TNRC6B: variants seen among roughly 807,000 people sequenced by gnomAD.
The protein encoded by TNRC6B is trinucleotide repeat-containing gene 6B protein.
Under a neutral mutation model 203.6 loss-of-function variants are expected in TNRC6B, and 52 were observed. The observed-to-expected ratio is 0.26, with a 90% CI of 0.20 to 0.32. TNRC6B has a LOEUF of 0.32. TNRC6B is among the 10% of genes least tolerant of loss of function. TNRC6B has a pLI of 1.00. For synonymous variants in TNRC6B, 838 were observed against 845.7 expected (o/e 0.99, Z 0.16); for missense variants, 1,923 against 2,286.2 (o/e 0.84, Z 3.24).
rs527433603 is a variant in TNRC6B at position 40,270,253 on chromosome 22, G to A, written c.2938G>A (p.Ala980Thr). The change falls in exon 6 of 23, where the codon GCC becomes ACC. Residue 980 changes from alanine to threonine, a missense_variant. Around this residue, in one of 8 missense-constraint regions of TNRC6B, gnomAD observed 599 missense variants for 656.5 expected, o/e 0.91. Transcript: ENST00000454349. The stretch of plus-strand genomic sequence containing the variant: ...GACCACAGGCTGGGGGAACACGCCC[G>A]CCAACGCTCCCAATGCCATGAAGCC... ...ASTTGWGNTP[A>T]NAPNAMKPNS... 62 of 1,476,828 alleles carry A rather than the reference G, an allele frequency of 4.2e-5. No homozygotes were observed. Among genetic ancestry groups the A allele is most frequent in the Admixed American group, 4.1e-4 (17 of 41,396 alleles). 91.5% of individuals were successfully genotyped at this position (1,476,828 alleles called of 1,614,324 possible). A position where few individuals can be genotyped will look rare whatever the true frequency, so the allele number is the denominator to read the frequency against.
chr22:40,287,239 A>G (rs1487394887), intron 12 of TNRC6B, among the ~76,000 whole-genome samples: 3 of 151,700 alleles, frequency 2.0e-5, no homozygotes, highest in Non-Finnish European at 4.4e-5. Flanking sequence ...AAGCTCCTTG[A>G]CTCCAGCAGT....
At chr22:40,237,414 C>T (rs1027773507) in intron 1 of TNRC6B, among the ~76,000 whole-genome samples, 1 of 152,182 alleles carries the variant, frequency 6.6e-6, no homozygotes, top group Non-Finnish European at 1.5e-5. Context: ...ATCTTGTTTG[C>T]TGCTGAATTC....
rs1401034879 is a variant in TNRC6B, at chr22:40,325,342, C to T, written c.*2101C>T. On this transcript the variant is annotated 3_prime_UTR_variant, in exon 23 of 23. Coordinates refer to ENST00000454349, the MANE Select transcript of TNRC6B (RefSeq NM_001162501.2). The stretch of plus-strand genomic sequence containing the variant: ...GGAAAAGCCTAAAACAAGTTATTTG[C>T]ATTTCAGTGGTTTTGTGAGACAAAG... 3 of 152,634 alleles carry T rather than the reference C, an allele frequency of 2.0e-5. No individual in the cohort carries two copies. Among genetic ancestry groups the T allele is most frequent in the Non-Finnish European group, 4.4e-5 (3 of 68,042 alleles). The allele number at this position is 152,634 out of a possible 1,614,324, so 9.5% of individuals were successfully genotyped here.
chr22:40,274,444 G>A (rs1054543579), intron 7 of TNRC6B, among the ~76,000 whole-genome samples: 2 of 146,244 alleles, frequency 1.4e-5, no homozygotes, highest in Non-Finnish European at 3.0e-5. Context: ...TTTTTGAGAC[G>A]GAGTCTTGCT....
intron 1 of TNRC6B, among the ~76,000 whole-genome samples, chr22:40,058,087 A>G (rs2146268636): frequency 6.6e-6 from 1 of 152,384 alleles, no homozygotes; most frequent in South Asian, 2.1e-4. Flanking sequence ...TGCCTTAAAC[A>G]AAAGGCCACA....
At chr22:40,116,374 C>T (rs1329524415) in intron 1 of TNRC6B, among the ~76,000 whole-genome samples, 1 of 152,058 alleles carries the variant, frequency 6.6e-6, no homozygotes, top group Non-Finnish European at 1.5e-5. Context: ...AGTTGCTGGC[C>T]ATTTAATATA....
At chr22:40,098,457 T>G (rs2068204403) in intron 1 of TNRC6B, among the ~76,000 whole-genome samples, 1 of 150,986 alleles carries the variant, frequency 6.6e-6, no homozygotes, top group African/African-American at 2.5e-5. Flanking sequence ...TTGGCAGATG[T>G]TGTCATATTG....
chr22:40,260,557 A>G (rs557468096), intron 3 of TNRC6B, among the ~76,000 whole-genome samples: 1 of 152,178 alleles, frequency 6.6e-6, no homozygotes, highest in South Asian at 2.1e-4. Context: ...GAGATGGATG[A>G]TGTGTTCCAG....
intron 1 of TNRC6B, among the ~76,000 whole-genome samples, chr22:40,193,921 G>A (rs2069304145): frequency 6.6e-6 from 1 of 152,200 alleles, no homozygotes. Context: ...ACTGAGAGAG[G>A]AGATGCGTTA....
At chr22:40,247,389 C>T (rs1324364241) in intron 2 of TNRC6B, among the ~76,000 whole-genome samples, 1 of 152,052 alleles carries the variant, frequency 6.6e-6, no homozygotes, top group Non-Finnish European at 1.5e-5. Context: ...TAACACTGCA[C>T]GTTTTTCCAG....
intron 1 of TNRC6B, among the ~76,000 whole-genome samples, chr22:40,045,973 GGTCATTT>G (rs1299646378): frequency 2.0e-5 from 3 of 152,090 alleles, no homozygotes; most frequent in African/African-American, 7.2e-5. Context: ...ATTTCAAGTT[GGTCATTT>G]GTATTATAAT....
intron 1 of TNRC6B, among the ~76,000 whole-genome samples, chr22:40,101,136 G>A (rs1412475736): frequency 2.0e-5 from 3 of 152,070 alleles, no homozygotes; most frequent in African/African-American, 2.4e-5. Flanking sequence ...GGGACTACAG[G>A]CATCTGCCAC....
intron 15 of TNRC6B, chr22:40,301,573 TCTTC>T (rs2071023722): frequency 1.9e-6 from 1 of 538,140 alleles, no homozygotes; most frequent in Non-Finnish European, 3.3e-6. Flanking sequence ...TCCAAAGCAG[TCTTC>T]CTTTTTTTTG....
chr22:40,255,256 G>A (rs2070254345), intron 3 of TNRC6B, among the ~76,000 whole-genome samples: 1 of 152,236 alleles, frequency 6.6e-6, no homozygotes, highest in Non-Finnish European at 1.5e-5. Flanking sequence ...TTCTAGCTCA[G>A]TAGAAGTTAA....
rs909470829 is a variant in TNRC6B at position 40,321,131 on chromosome 22, C to T, written c.5016C>T (p.Gly1672=). ...TGAGAACGATCTGCATGCAGCATGGCCCACTGCTGACATTCCATCTGAATC... is the reference window on the plus strand; with the variant it reads ...TGAGAACGATCTGCATGCAGCATGGTCCACTGCTGACATTCCATCTGAATC... ...STLRTICMQH[G]PLLTFHLNLT... Residue 1672 remains glycine, a synonymous_variant, in exon 22 of 23, where the codon GGC becomes GGT. Coordinates refer to ENST00000454349, the MANE Select transcript of TNRC6B (RefSeq NM_001162501.2). 1 of 1,613,954 alleles carries T rather than the reference C, an allele frequency of 6.2e-7. No homozygotes were observed. Among genetic ancestry groups the T allele is most frequent in the African/African-American group, 1.3e-5 (1 of 75,040 alleles).
intron 3 of TNRC6B, among the ~76,000 whole-genome samples, chr22:40,259,334 C>T (rs1261951296): frequency 2.0e-5 from 3 of 152,070 alleles, no homozygotes; most frequent in African/African-American, 4.8e-5. Flanking sequence ...AAGCAATTCT[C>T]GTCCTCAGCC....
intron 1 of TNRC6B, among the ~76,000 whole-genome samples, chr22:40,198,642 G>A (rs1208206774): frequency 6.6e-6 from 1 of 152,064 alleles, no homozygotes; most frequent in Non-Finnish European, 1.5e-5. Flanking sequence ...TCTCACTGTT[G>A]AAGAACATTA....
upstream of TNRC6B, among the ~76,000 whole-genome samples, chr22:40,175,347 ACT>A (rs1301509092): frequency 2.6e-5 from 4 of 151,930 alleles, no homozygotes; most frequent in Admixed American, 2.0e-4. Context: ...ACAGAGCAAG[ACT>A]CTGTCTCAAA....
chr22:40,315,900 T>C, intron 20 of TNRC6B, 42 bp from the exon 21 acceptor site: 1 of 1,494,818 alleles, frequency 6.7e-7, no homozygotes, highest in Non-Finnish European at 9.2e-7. Context: ...TTCTTGTTTT[T>C]GTTTTATTTC....
Sources: allele counts gnomAD v4.1 joint callset (sites outside exome capture counted in the v4.1 genomes callset), GRCh38; gene constraint gnomAD v4.1.1; regional missense constraint gnomAD v4.1.1; transcripts MANE v1.5; gene names NCBI Gene and HGNC (gene_info 2026-07-23, HGNC 2026-07-21).